Variants in CSMD1 observed in about 807,000 individuals in gnomAD.
The protein encoded by CSMD1 is CUB and sushi domain-containing protein 1.
Under a neutral mutation model 417.5 loss-of-function variants are expected in CSMD1, and 213 were observed. The ratio of observed to expected loss-of-function variants is 0.51; its 90% CI spans 0.46 to 0.57. The LOEUF (loss-of-function observed/expected upper bound fraction) is 0.57. Among genes scored for constraint, CSMD1 ranks in the 20% least tolerant of loss-of-function variants. The pLI, the probability that CSMD1 is intolerant of heterozygous loss-of-function variation, is 0.00. For missense variants in CSMD1, 6,923 were observed against 4,529.7 expected, an observed-to-expected ratio of 1.53 and a Z score of -15.17; for synonymous variants, 2,862 against 1,736.8, an observed-to-expected ratio of 1.65 and a Z score of -16.11.
intron 3 of CSMD1, among the ~76,000 whole-genome samples, chr8:4,236,035 G>GTTT (rs869046913): frequency 1.7e-4 from 19 of 112,652 alleles, no homozygotes; most frequent in African/African-American, 6.2e-4. Flanking sequence ...TGTTTTTTTT[G>GTTT]TTTGTTTTTT....
intron 10 of CSMD1, among the ~76,000 whole-genome samples, chr8:3,558,670 G>C (rs541910610): frequency 6.7e-6 from 1 of 150,262 alleles, no homozygotes; most frequent in East Asian, 2.0e-4. Flanking sequence ...ATGATGAACG[G>C]TGTCTCAATG....
intron 3 of CSMD1, among the ~76,000 whole-genome samples, chr8:4,044,624 G>A (rs1361405376): frequency 7.7e-6 from 1 of 129,568 alleles, no homozygotes; most frequent in Non-Finnish European, 1.7e-5. Flanking sequence ...CGTGCAATAA[G>A]AAGAGACATA....
intron 3 of CSMD1, among the ~76,000 whole-genome samples, chr8:4,036,083 A>G (rs1407473993): frequency 1.3e-5 from 2 of 152,204 alleles, no homozygotes; most frequent in Non-Finnish European, 2.9e-5. Flanking sequence ...GTTCAGCCAC[A>G]TGCTGTACAG....
rs114791972 is a variant in CSMD1 at position 3,814,366 on chromosome 8, C to T, written c.819-60324G>A. Among the ~76,000 whole-genome samples, 154 of 151,960 alleles carry T rather than the reference C, an allele frequency of 1.0e-3. 2 individuals carry two copies. Among genetic ancestry groups the T allele is most frequent in the African/African-American group, 3.2e-3 (134 of 41,312 alleles). ...CAAGGACATCTTTGACTCTAGATGGCTTTACCTCTTATACATTATACTATA... is the reference window on the plus strand; with the variant it reads ...CAAGGACATCTTTGACTCTAGATGGTTTTACCTCTTATACATTATACTATA... On this transcript the variant is annotated intron_variant, in intron 5 of 69. Coordinates refer to ENST00000635120, the MANE Select transcript of CSMD1 (RefSeq NM_033225.6).
chr8:4,571,934 G>C (rs1157209503), intron 2 of CSMD1, among the ~76,000 whole-genome samples: 1 of 152,138 alleles, frequency 6.6e-6, no homozygotes, highest in Non-Finnish European at 1.5e-5. Context: ...CAGAGACTAG[G>C]ATTGCAACCC....
chr8:4,142,393 G>GT (rs961853555), intron 3 of CSMD1, among the ~76,000 whole-genome samples: 12 of 150,968 alleles, frequency 7.9e-5, no homozygotes, highest in Non-Finnish European at 1.8e-4. Flanking sequence ...GGAGAGGACA[G>GT]TTTTCTTTGG....
chr8:4,457,757 G>T (rs1434340591), intron 2 of CSMD1, among the ~76,000 whole-genome samples: 2 of 152,116 alleles, frequency 1.3e-5, no homozygotes, highest in Non-Finnish European at 2.9e-5. Context: ...AGCAGCATAG[G>T]ACACCTCTTC....
chr8:3,948,890 GA>G (rs1357049898), intron 5 of CSMD1, among the ~76,000 whole-genome samples: 2 of 151,796 alleles, frequency 1.3e-5, no homozygotes, highest in Admixed American at 6.6e-5. Context: ...CAAAAAAGGA[GA>G]TTTTTTTTTT....
intron 3 of CSMD1, among the ~76,000 whole-genome samples, chr8:4,140,813 G>T (rs1224623141): frequency 1.3e-5 from 2 of 150,812 alleles, no homozygotes; most frequent in Non-Finnish European, 2.9e-5. Flanking sequence ...GCGTGTAAAT[G>T]GGCTCAGCAC....
intron 2 of CSMD1, among the ~76,000 whole-genome samples, chr8:4,562,939 T>A (rs997332730): frequency 6.6e-6 from 1 of 152,168 alleles, no homozygotes; most frequent in Non-Finnish European, 1.5e-5. Context: ...TAACTCTACT[T>A]TCTTAAACAG....
intron 45 of CSMD1, among the ~76,000 whole-genome samples, chr8:3,107,504 A>T (rs191561772): frequency 6.6e-6 from 1 of 152,336 alleles, no homozygotes; most frequent in African/African-American, 2.4e-5. Flanking sequence ...AACAAAAAAA[A>T]ATCATGGTAA....
intron 2 of CSMD1, among the ~76,000 whole-genome samples, chr8:4,503,832 G>T (rs528190534): frequency 6.6e-6 from 1 of 152,060 alleles, no homozygotes; most frequent in African/African-American, 2.4e-5. Context: ...CTTTTAAAAG[G>T]CATTTTTCTC....
intron 3 of CSMD1, among the ~76,000 whole-genome samples, chr8:4,146,628 T>TTTTTTTTTTTTTTTC (rs1804150177): frequency 1.1e-5 from 1 of 88,476 alleles, no homozygotes; most frequent in Non-Finnish European, 2.0e-5. Flanking sequence ...TTTTTTTTTT[T>TTTTTTTTTTTTTTTC]TGAGACAGAG....
chr8:4,193,145 A>G (rs1054466818), intron 3 of CSMD1, among the ~76,000 whole-genome samples: 1 of 152,196 alleles, frequency 6.6e-6, no homozygotes, highest in Non-Finnish European at 1.5e-5. Flanking sequence ...ACATCTGTAA[A>G]AGATAAGTTG....
chr8:4,540,068 ATATTATTTTCAATACGAT>A (rs1303926427), intron 2 of CSMD1, among the ~76,000 whole-genome samples: 1 of 152,088 alleles, frequency 6.6e-6, no homozygotes, highest in Non-Finnish European at 1.5e-5. Context: ...TCTTTCTGTC[ATATTATTTTCAATACGAT>A]TATCGTGACA....
intron 12 of CSMD1, among the ~76,000 whole-genome samples, chr8:3,414,658 C>G (rs1172839174): frequency 6.6e-6 from 1 of 152,186 alleles, no homozygotes; most frequent in African/African-American, 2.4e-5. Context: ...ATCCAGGACT[C>G]AGGAACCATG....
At chr8:3,988,393 T>C (rs753664718) in intron 5 of CSMD1, among the ~76,000 whole-genome samples, 2 of 152,224 alleles carry the variant, frequency 1.3e-5, no homozygotes, top group Non-Finnish European at 2.9e-5. Flanking sequence ...TTATTATGAA[T>C]GATAATTAGT....
chr8:4,574,293 A>G (rs1270635624), intron 2 of CSMD1, among the ~76,000 whole-genome samples: 1 of 152,088 alleles, frequency 6.6e-6, no homozygotes, highest in African/African-American at 2.4e-5. Context: ...GGATGCAGAA[A>G]CTGTGGGAAA....
chr8:4,051,429 T>C lies in CSMD1; in HGVS notation c.416-19330A>G, dbSNP rs186958255. Among the ~76,000 whole-genome samples, 443 of 152,064 alleles carry C rather than the reference T, an allele frequency of 2.9e-3. 2 individuals carry two copies. Among genetic ancestry groups the C allele is most frequent in the African/African-American group, 0.01 (424 of 41,478 alleles). On this transcript the variant is annotated intron_variant, in intron 3 of 69. Transcript: ENST00000635120. ...AATGTAGTTAAATCAGACCGCAAGG[T>C]TGAAAACGCTTTGGCAGAATTCAAA...
Sources: gnomAD v4.1 joint callset for allele counts (sites outside exome capture counted in the v4.1 genomes callset) on GRCh38, gnomAD v4.1.1 for gene constraint, MANE v1.5 for transcripts, NCBI Gene and HGNC (gene_info 2026-07-23, HGNC 2026-07-21) for gene names.